The following NEO1 variants were observed in gnomAD, a reference collection of about 807,000 sequenced individuals.
NEO1 encodes the protein neogenin 1, also known as neogenin.
A neutral mutation model predicts 159.7 loss-of-function variants in NEO1; 63 were observed. That is an observed-to-expected ratio of 0.39 (90% CI 0.32 to 0.49). NEO1 has a LOEUF of 0.49. NEO1 is among the 20% of genes least tolerant of loss of function. The probability of loss-of-function intolerance (pLI) is 0.85; values close to 1 mark genes in which losing one functional copy is unlikely to be tolerated. For missense variants in NEO1, 1,615 were observed against 1,831.0 expected (o/e 0.88, Z 2.15); for synonymous variants, 633 against 662.0 (o/e 0.96, Z 0.67).
intron 1 of NEO1, among the ~76,000 whole-genome samples, chr15:73,080,207 T>C (rs2068970418): frequency 6.6e-6 from 1 of 152,244 alleles, no homozygotes; most frequent in Admixed American, 6.5e-5. Context: ...CTTGTTGCCA[T>C]TAGACAGTTT....
chr15:73,121,834 T>G (rs2071671915), intron 2 of NEO1, among the ~76,000 whole-genome samples: 1 of 152,002 alleles, frequency 6.6e-6, no homozygotes, highest in South Asian at 2.1e-4. Context: ...CTGTGCCCTT[T>G]TGATATGTCC....
chr15:73,104,767 A>C (rs1181532072), intron 1 of NEO1, among the ~76,000 whole-genome samples: 1 of 152,192 alleles, frequency 6.6e-6, no homozygotes, highest in Non-Finnish European at 1.5e-5. Context: ...AGGCCTCACA[A>C]AACTTACAGT....
chr15:73,222,906 G>C (rs758475650), intron 7 of NEO1, among the ~76,000 whole-genome samples: 16 of 152,220 alleles, frequency 1.1e-4, no homozygotes, highest in Non-Finnish European at 2.1e-4. Context: ...CTCTGATGTA[G>C]GCGTTTAGGG....
chr15:73,052,527 G>GCGGGC lies in NEO1; in HGVS notation c.-133_-129dup, dbSNP rs910759243. On this transcript the variant is annotated 5_prime_UTR_variant, in exon 1 of 29. Coordinates refer to ENST00000261908, the MANE Select transcript of NEO1 (RefSeq NM_002499.4). Reference sequence around the variant, plus strand: ...TCTCCCCTCCAGCGAGAGGGGCTGCGCGGGCCGGGCCGGGCCGGGCTGGGC... The same window carrying GCGGGC: ...TCTCCCCTCCAGCGAGAGGGGCTGCGCGGGCCGGGCCGGGCCGGGCCGGGCTGGGC... 5 of 294,844 alleles carry GCGGGC rather than the reference G, an allele frequency of 1.7e-5. No homozygotes were observed. Among genetic ancestry groups the GCGGGC allele is most frequent in the Admixed American group, 5.7e-5 (1 of 17,606 alleles). 18.3% of individuals were successfully genotyped at this position (294,844 alleles called of 1,614,324 possible). A position where few individuals can be genotyped will look rare whatever the true frequency, so the allele number is the denominator to read the frequency against.
chr15:73,208,714 T>C (rs1416532961), intron 7 of NEO1, among the ~76,000 whole-genome samples: 1 of 151,870 alleles, frequency 6.6e-6, no homozygotes, highest in Non-Finnish European at 1.5e-5. Flanking sequence ...ACACAAAAAT[T>C]AGTGGGACAT....
intron 1 of NEO1, among the ~76,000 whole-genome samples, chr15:73,072,389 C>A (rs916011532): frequency 6.6e-6 from 1 of 151,970 alleles, no homozygotes; most frequent in African/African-American, 2.4e-5. Flanking sequence ...AACTGTTGGA[C>A]GGAAGCAGGA....
intron 7 of NEO1, among the ~76,000 whole-genome samples, chr15:73,209,032 A>C (rs1160718063): frequency 2.6e-5 from 4 of 152,224 alleles, no homozygotes; most frequent in Admixed American, 1.3e-4. Context: ...TTGTGACAGG[A>C]TAAGTGGATG....
intron 21 of NEO1, among the ~76,000 whole-genome samples, chr15:73,277,808 C>T (rs1421551811): frequency 6.6e-6 from 1 of 152,136 alleles, no homozygotes; most frequent in Non-Finnish European, 1.5e-5. Context: ...TGCTGTAAGT[C>T]CTCTGAGCAG....
At chr15:73,110,908 A>G (rs1164923215) in intron 1 of NEO1, among the ~76,000 whole-genome samples, 2 of 152,154 alleles carry the variant, frequency 1.3e-5, no homozygotes, top group African/African-American at 4.8e-5. Context: ...AAAGAAAATG[A>G]TGATAGATCT....
chr15:73,178,752 A>T (rs1297592088), intron 7 of NEO1, among the ~76,000 whole-genome samples: 2 of 152,080 alleles, frequency 1.3e-5, no homozygotes, highest in Non-Finnish European at 2.9e-5. Flanking sequence ...TTTTTTTCCA[A>T]TTCTATACAC....
chr15:73,241,013 A>C (rs1222860638), intron 8 of NEO1, among the ~76,000 whole-genome samples: 1 of 152,218 alleles, frequency 6.6e-6, no homozygotes, highest in East Asian at 1.9e-4. Flanking sequence ...GTGAGAATGT[A>C]TGCCACTACC....
At chr15:73,261,295 T>A (rs1259415201) in intron 15 of NEO1, among the ~76,000 whole-genome samples, 1 of 152,094 alleles carries the variant, frequency 6.6e-6, no homozygotes, top group African/African-American at 2.4e-5. Context: ...TCATTGTAAC[T>A]AGGGTAGAAA....
rs908433899 is a variant in NEO1, at chr15:73,171,698, G to A, written c.1016-4705G>A. On this transcript the variant is annotated intron_variant, in intron 5 of 28. Transcript: ENST00000261908. The stretch of plus-strand genomic sequence containing the variant: ...GTTCTGTCGCCCAGGCTGAAGTGCC[G>A]TGGCACAATCCTGGCTCACTGCAAC... 6.6e-5 allele frequency among the ~76,000 whole-genome samples: 10 copies of A among 151,000 alleles called. 1 individual carries two copies. Among genetic ancestry groups the A allele is most frequent in the East Asian group, 5.8e-4 (3 of 5,154 alleles).
chr15:73,097,789 T>C (rs2070155060), intron 1 of NEO1, among the ~76,000 whole-genome samples: 1 of 147,524 alleles, frequency 6.8e-6, no homozygotes, highest in Non-Finnish European at 1.5e-5. Flanking sequence ...TTTTTTTTTT[T>C]TTTTTTTTTG....
rs761294510 is a variant in NEO1 at position 73,258,820 on chromosome 15, G to A, written c.2147G>A (p.Gly716Asp). ...NFRVAALTIN[G>D]TGPATDWLSA... The stretch of plus-strand genomic sequence containing the variant: ...CGAGTGGCTGCTCTAACAATCAATG[G>A]TACAGGCCCGGCAACTGACTGGCTG... Residue 716 changes from glycine (G) to aspartate (D), a missense_variant, in exon 14 of 29, where the codon GGT becomes GAT. Around this residue, in one of 3 missense-constraint regions of NEO1, gnomAD observed 1,018 missense variants for 1,115.4 expected, o/e 0.91. Transcript: ENST00000261908. 2.5e-6 allele frequency: 4 copies of A among 1,613,758 alleles called. No individual in the cohort carries two copies. The highest frequency in any genetic ancestry group is 3.4e-6 in the Non-Finnish European group (4 of 1,179,900).
intron 5 of NEO1, among the ~76,000 whole-genome samples, chr15:73,167,677 A>T (rs1424730849): frequency 6.6e-6 from 1 of 152,260 alleles, no homozygotes; most frequent in African/African-American, 2.4e-5. Flanking sequence ...ATATTGAGAC[A>T]TCAAGCAAAG....
At chr15:73,058,526 A>C (rs2067827626) in intron 1 of NEO1, among the ~76,000 whole-genome samples, 1 of 152,176 alleles carries the variant, frequency 6.6e-6, no homozygotes, top group African/African-American at 2.4e-5. Context: ...TGTGATGAAC[A>C]TATTCTTTCT....
chr15:73,166,266 T>C lies in NEO1; in HGVS notation c.1016-10137T>C, dbSNP rs535492896. On this transcript the variant is annotated intron_variant, in intron 5 of 28. Coordinates refer to ENST00000261908, the MANE Select transcript of NEO1 (RefSeq NM_002499.4). Reference sequence around the variant, plus strand: ...TTTGCACTTTTGGTACAGCGAAAAGTATAGTTGCTGGTAAAAAGTATGGTG... The same window carrying C: ...TTTGCACTTTTGGTACAGCGAAAAGCATAGTTGCTGGTAAAAAGTATGGTG... Among the ~76,000 whole-genome samples the C allele has an allele frequency of 2.1e-3, 320 of 152,268 alleles. 1 individual carries two copies. The highest frequency in any genetic ancestry group is 7.3e-3 in the African/African-American group (305 of 41,540).
At chr15:73,105,045 G>A (rs1415795829) in intron 1 of NEO1, among the ~76,000 whole-genome samples, 2 of 152,158 alleles carry the variant, frequency 1.3e-5, no homozygotes, top group South Asian at 2.1e-4. Flanking sequence ...CTTGAAAAAT[G>A]TGGTCACTTT....
Sources: gnomAD v4.1 joint callset for allele counts (sites outside exome capture counted in the v4.1 genomes callset) on GRCh38, gnomAD v4.1.1 for gene constraint, gnomAD v4.1.1 regional missense constraint, MANE v1.5 for transcripts, NCBI Gene and HGNC (gene_info 2026-07-23, HGNC 2026-07-21) for gene names.